CUL4B: variants seen among roughly 807,000 people sequenced by gnomAD.
CUL4B encodes cullin-4B.
In CUL4B, 1 loss-of-function variant was observed where a neutral mutation model predicts 69.2. That is an observed-to-expected ratio of 0.01 (90% CI 0.01 to 0.07). The LOEUF is 0.07. Among genes scored for constraint, CUL4B ranks in the 10% least tolerant of loss-of-function variants. The probability of loss-of-function intolerance (pLI) is 1.00; values close to 1 mark genes in which losing one functional copy is unlikely to be tolerated. For missense variants in CUL4B, 328 were observed against 638.8 expected (o/e 0.51, Z 5.24); for synonymous variants, 237 against 223.2 (o/e 1.06, Z -0.55).
Position 120,525,828 on chromosome X carries a change from C to A in CUL4B, c.*933G>T, listed in dbSNP as rs1331013743. The A allele has an allele frequency of 2.7e-5, 3 of 111,915 alleles. No homozygotes were observed. The highest frequency in any genetic ancestry group is 6.5e-5 in the African/African-American group (2 of 30,868). The allele number at this position is 111,915 out of a possible 1,213,427, so 9.2% of individuals were successfully genotyped here. ...ATCTACAATTGGTCCAAGTTGAAGACAAAACTGTCCAAACAACATTTAAAG... is the reference window on the plus strand; with the variant it reads ...ATCTACAATTGGTCCAAGTTGAAGAAAAAACTGTCCAAACAACATTTAAAG... On this transcript the variant is annotated 3_prime_UTR_variant, in exon 20 of 20. Coordinates refer to ENST00000371322, the MANE Select transcript of CUL4B (RefSeq NM_001079872.2).
intron 2 of CUL4B, among the ~76,000 whole-genome samples, chrX:120,551,356 C>T (rs1026707774): frequency 9.1e-6 from 1 of 110,398 alleles, no homozygotes; most frequent in Admixed American, 9.7e-5. Flanking sequence ...CGCCGCCACA[C>T]TCAGCTAGGT....
In CUL4B at chrX:120,560,523, CTCT is replaced by C. The variant is rs1333732208; in HGVS notation, c.113_115del (p.Lys38del). Reference sequence around the variant, plus strand: ...GCTACTGCTGCTGCTGTTTAACTTTCTCTTCTTGGCAGAGGTGGGCGGAGTGGT... The same window carrying C: ...GCTACTGCTGCTGCTGTTTAACTTTCTCTTGGCAGAGGTGGGCGGAGTGGT... On this transcript the variant is annotated inframe_deletion, in exon 1 of 20. Coordinates refer to ENST00000371322, the MANE Select transcript of CUL4B (RefSeq NM_001079872.2). 2 of 1,209,860 alleles carry C rather than the reference CTCT, an allele frequency of 1.7e-6. No individual in the cohort carries two copies. The highest frequency in any genetic ancestry group is 3.5e-5 in the South Asian group (2 of 56,721).
At chrX:120,553,928 G>A (rs987857455) in intron 2 of CUL4B, among the ~76,000 whole-genome samples, 69 of 111,320 alleles carry the variant, frequency 6.2e-4, no homozygotes, top group Non-Finnish European at 3.2e-4. Flanking sequence ...CTTTTTAAGC[G>A]TAGAGGGACA....
chrX:120,568,602 A>G (rs1230326763), downstream of CUL4B, among the ~76,000 whole-genome samples: 2 of 112,373 alleles, frequency 1.8e-5, no homozygotes, highest in Non-Finnish European at 3.8e-5. Flanking sequence ...AAATACTCTC[A>G]GCAACGCATG....
Position 120,541,563 on chromosome X carries a change from A to T in CUL4B, c.1443+39T>A, listed in dbSNP as rs369544628. ...AATATGCACTCTTGATGTGTAGATA[A>T]GCCATAAGAGAGAAAAATCACAGGT... On this transcript the variant is annotated intron_variant, in intron 10 of 19. Transcript: ENST00000371322. 16 of 882,084 alleles carry T rather than the reference A, an allele frequency of 1.8e-5. No individual in the cohort carries two copies. The African/African-American group carries it at 2.8e-4, about 15-fold the overall frequency. The allele number at this position is 882,084 out of a possible 1,213,427, so 72.7% of individuals were successfully genotyped here. A position where few individuals can be genotyped will look rare whatever the true frequency, so the allele number is the denominator to read the frequency against.
chrX:120,538,939 C>CA (rs1923825711), intron 12 of CUL4B, among the ~76,000 whole-genome samples, 169 bp from the exon 13 acceptor site: 1 of 112,113 alleles, frequency 8.9e-6, no homozygotes, highest in Non-Finnish European at 1.9e-5. Context: ...TTGTGCCAGA[C>CA]ATTTCGAAGT....
At chrX:120,555,470 T>G (rs917732990) in intron 2 of CUL4B, among the ~76,000 whole-genome samples, 1 of 111,627 alleles carries the variant, frequency 9.0e-6, no homozygotes, top group Non-Finnish European at 1.9e-5. Context: ...AATTTAATTG[T>G]TTCAAACACT....
At chrX:120,539,132 T>A (rs1159277584) in intron 12 of CUL4B, 136 bp downstream of exon 12, 10 of 447,196 alleles carry the variant, frequency 2.2e-5, no homozygotes, top group Non-Finnish European at 3.8e-5. Context: ...TCCTCACGTA[T>A]CCCCCCAATG....
intron 2 of CUL4B, among the ~76,000 whole-genome samples, chrX:120,555,871 G>A (rs1024690963): frequency 1.9e-5 from 2 of 105,108 alleles, no homozygotes; most frequent in South Asian, 4.4e-4. Flanking sequence ...GAGCCCGGGA[G>A]GTGGAGGTTG....
intron 14 of CUL4B, among the ~76,000 whole-genome samples, chrX:120,537,271 G>A (rs1310755048): frequency 2.7e-5 from 3 of 111,932 alleles, no homozygotes; most frequent in Non-Finnish European, 1.9e-5. Flanking sequence ...CATTACAGGC[G>A]TTATCAACTT....
chrX:120,532,182 T>A (rs893118581), intron 18 of CUL4B, among the ~76,000 whole-genome samples: 4 of 111,762 alleles, frequency 3.6e-5, no homozygotes, highest in African/African-American at 1.3e-4. Context: ...GGAAAAATTC[T>A]AAAGATTGAA....
intron 18 of CUL4B, among the ~76,000 whole-genome samples, chrX:120,531,018 G>A (rs1434322305): frequency 1.8e-5 from 2 of 111,307 alleles, no homozygotes; most frequent in Admixed American, 9.6e-5. Context: ...GATACTGGTC[G>A]CTGTCCTACA....
chrX:120,568,824 A>C (rs180986112), downstream of CUL4B, among the ~76,000 whole-genome samples: 15 of 111,986 alleles, frequency 1.3e-4, no homozygotes, highest in East Asian at 4.2e-3. Context: ...ACACAGACCT[A>C]AGTCCAGTTC....
intron 11 of CUL4B, 144 bp downstream of exon 11, chrX:120,540,226 C>A: frequency 1.9e-6 from 1 of 521,709 alleles, no homozygotes; most frequent in Middle Eastern, 5.5e-4. Flanking sequence ...TTTTTAGAAA[C>A]ACTCTTCAAA....
At chrX:120,558,170 A>G in intron 1 of CUL4B, 131 bp from the exon 2 acceptor site, 1 of 461,655 alleles carries the variant, frequency 2.2e-6, no homozygotes, top group Non-Finnish European at 3.8e-6. Context: ...CTAATCATTA[A>G]AGTAACCACT....
intron 19 of CUL4B, 114 bp downstream of exon 19, chrX:120,529,988 T>G (rs2147318654): frequency 1.2e-6 from 1 of 821,284 alleles, no homozygotes; most frequent in East Asian, 3.3e-5. Flanking sequence ...AAATTAAAAC[T>G]TTTCTCTCTC....
At position 120,526,842 on chromosome X, in the gene CUL4B, C is replaced by T. The variant is rs761365165; in HGVS notation, c.2607G>A (p.Lys869=). The change falls in exon 20 of 20, where the codon AAG becomes AAA. Residue 869 remains lysine, a synonymous_variant. Transcript: ENST00000371322. ...GGTCAATTAAAGATTCTATTCTCTT[C>T]TTAAGATCAGCAGGCTGTAAGAGAA... The part of the protein sequence containing the change: ...LKFPVKPADL[K]KRIESLIDRD... The T allele has an allele frequency of 2.5e-6, 3 of 1,186,333 alleles. No homozygotes were observed. Among genetic ancestry groups the T allele is most frequent in the Non-Finnish European group, 3.4e-6 (3 of 875,859 alleles).
chrX:120,557,793 C>G, intron 2 of CUL4B, 131 bp downstream of exon 2: 1 of 441,752 alleles, frequency 2.3e-6, no homozygotes, highest in Non-Finnish European at 4.0e-6. Flanking sequence ...TAGAGTTCAT[C>G]AATTAATGGA....
At chrX:120,544,045 C>T in intron 7 of CUL4B, 69 bp downstream of exon 7, 1 of 705,735 alleles carries the variant, frequency 1.4e-6, no homozygotes, top group Middle Eastern at 3.2e-4. Flanking sequence ...CAAAGGGAAG[C>T]TTATATTCTA....
Sources: allele counts gnomAD v4.1 joint callset (sites outside exome capture counted in the v4.1 genomes callset), GRCh38; gene constraint gnomAD v4.1.1; transcripts MANE v1.5; gene names NCBI Gene and HGNC (gene_info 2026-07-23, HGNC 2026-07-21).